The following PODXL2 variants were observed in gnomAD, a reference collection of about 807,000 sequenced individuals.
PODXL2 encodes podocalyxin like 2, also known as podocalyxin-like protein 2.
A neutral mutation model predicts 53.4 loss-of-function variants in PODXL2; 17 were observed. That is an observed-to-expected ratio of 0.32 (90% CI 0.22 to 0.48). PODXL2 has a LOEUF of 0.48. Among genes scored for constraint, PODXL2 ranks in the 20% least tolerant of loss-of-function variants. PODXL2 has a pLI of 0.99. For missense variants in PODXL2, 673 were observed against 760.0 expected (o/e 0.89, Z 1.35); for synonymous variants, 311 against 306.7 (o/e 1.01, Z -0.15).
intron 4 of PODXL2, among the ~76,000 whole-genome samples, chr3:127,662,529 T>C (rs1020444254): frequency 6.6e-6 from 1 of 152,234 alleles, no homozygotes; most frequent in African/African-American, 2.4e-5. Context: ...CCCTCTCTTT[T>C]TAATTTAAAT....
At chr3:127,638,087 T>C (rs1447549303) in intron 1 of PODXL2, among the ~76,000 whole-genome samples, 1 of 152,214 alleles carries the variant, frequency 6.6e-6, no homozygotes, top group Non-Finnish European at 1.5e-5. Flanking sequence ...CAGAGGTCAT[T>C]TCATTTAGCT....
intron 4 of PODXL2, among the ~76,000 whole-genome samples, chr3:127,663,795 C>G (rs531840299): frequency 6.6e-6 from 1 of 152,136 alleles, no homozygotes; most frequent in Non-Finnish European, 1.5e-5. Flanking sequence ...ACATGAAGAC[C>G]ACAGATGGGT....
At chr3:127,669,303 G>C in intron 6 of PODXL2, 101 bp downstream of exon 6, 3 of 823,432 alleles carry the variant, frequency 3.6e-6, no homozygotes, top group Non-Finnish European at 6.0e-6. Flanking sequence ...AGGTTCAAAG[G>C]AGTATAAGAC....
At chr3:127,638,673 C>G (rs782429) in intron 1 of PODXL2, among the ~76,000 whole-genome samples, 4,449 of 152,134 alleles carry the variant, frequency 0.029, 292 homozygotes, top group East Asian at 0.27. Context: ...CAAGATTGCA[C>G]CACTGTACTC....
intron 2 of PODXL2, among the ~76,000 whole-genome samples, chr3:127,652,290 T>G (rs1381855919): frequency 6.6e-6 from 1 of 152,178 alleles, no homozygotes; most frequent in East Asian, 1.9e-4. Context: ...AGTCTGGGAT[T>G]TGGAGACCCA....
At chr3:127,662,385 T>TG in intron 4 of PODXL2, 74 bp downstream of exon 4, 2 of 1,216,834 alleles carry the variant, frequency 1.6e-6, no homozygotes, top group South Asian at 1.3e-5. Flanking sequence ...GAGGGCAGGC[T>TG]GGGGGGACAA....
In PODXL2 at chr3:127,660,650, C is replaced by G. The variant is rs780691355; in HGVS notation, c.622C>G (p.Leu208Val). The change falls in exon 3 of 8, where the codon CTC (leucine) becomes GTC (valine). Residue 208 changes from leucine to valine, a missense_variant. Coordinates refer to ENST00000342480, the MANE Select transcript of PODXL2 (RefSeq NM_015720.4). The part of the protein sequence containing the change: ...EAKPQVRDFS[L>V]TSSSQTPGAT... ...CAAGCCTCAGGTCCGTGACTTTTCT[C>G]TCACCAGCAGCAGCCAGACCCCAGG... The G allele has an allele frequency of 1.9e-6, 3 of 1,614,218 alleles. No individual in the cohort carries two copies. Among genetic ancestry groups the G allele is most frequent in the Non-Finnish European group, 2.5e-6 (3 of 1,180,042 alleles).
Position 127,672,252 on chromosome 3 carries a change from C to G in PODXL2, c.1606-16C>G. The G allele has an allele frequency of 6.5e-7, 1 of 1,539,148 alleles. No homozygotes were observed. The highest frequency in any genetic ancestry group is 8.7e-7 in the Non-Finnish European group (1 of 1,145,416). ...GCTGGCTCGCTCGCCCATGGCCTCT[C>G]CCCACCCCGCCTCAGTCGCACGGCG... On this transcript the variant is annotated splice_polypyrimidine_tract_variant and intron_variant, in intron 7 of 7. Transcript: ENST00000342480.
rs765812148 is a variant in PODXL2 at position 127,660,856 on chromosome 3, G to A, written c.828G>A (p.Gly276=). Reference sequence around the variant, plus strand: ...CAGTGCTGCCAGCTGCAGGGCTTGGGGTAGAGTTCGAGGCTCCTCAGGAAG... The same window carrying A: ...CAGTGCTGCCAGCTGCAGGGCTTGGAGTAGAGTTCGAGGCTCCTCAGGAAG... ...EATVLPAAGL[G]VEFEAPQEAS... is the part of the protein sequence containing the mutation. The change falls in exon 3 of 8, where the codon GGG becomes GGA. Residue 276 remains glycine, a synonymous_variant. Coordinates refer to ENST00000342480, the MANE Select transcript of PODXL2 (RefSeq NM_015720.4). 17 of 1,614,246 alleles carry A rather than the reference G, an allele frequency of 1.1e-5. No individual in the cohort carries two copies. Among genetic ancestry groups the A allele is most frequent in the Non-Finnish European group, 1.4e-5 (16 of 1,180,052 alleles).
chr3:127,657,104 A>AGC (rs1396114600), intron 2 of PODXL2, among the ~76,000 whole-genome samples: 1 of 152,190 alleles, frequency 6.6e-6, no homozygotes, highest in African/African-American at 2.4e-5. Context: ...TGCGCAGATA[A>AGC]GTTAGTGGCT....
Position 127,668,524 on chromosome 3 carries a change from G to A in PODXL2, c.1290G>A (p.Gly430=), listed in dbSNP as rs1160739432. 8.9e-6 allele frequency: 14 copies of A among 1,580,902 alleles called. No individual in the cohort carries two copies. The highest frequency in any genetic ancestry group is 1.1e-5 in the Non-Finnish European group (13 of 1,164,262). ...VLPRHGSGHH[G]AWHISLSKPS... ...CCCGCCATGGCAGTGGCCACCATGG[G>A]GCCTGGCACATCTCTCTGAGCAAGC... Residue 430 remains glycine, a synonymous_variant, in exon 5 of 8, where the codon GGG becomes GGA. Transcript: ENST00000342480.
chr3:127,669,381 G>A (rs2074816471), intron 6 of PODXL2, among the ~76,000 whole-genome samples, 179 bp downstream of exon 6: 1 of 149,818 alleles, frequency 6.7e-6, no homozygotes, highest in Admixed American at 6.8e-5. Context: ...GAAAGACGGT[G>A]CATGTGCATG....
In PODXL2 at chr3:127,672,605, G is replaced by T; in HGVS notation, c.*125G>T. Reference sequence around the variant, plus strand: ...CCGCCCCCGCGGCCTGGCCCTCGGCGCGGGCTCCTTCCCGCTTCCCCCGAC... The same window carrying T: ...CCGCCCCCGCGGCCTGGCCCTCGGCTCGGGCTCCTTCCCGCTTCCCCCGAC... On this transcript the variant is annotated 3_prime_UTR_variant, in exon 8 of 8. Transcript: ENST00000342480. 1 of 581,794 alleles carries T rather than the reference G, an allele frequency of 1.7e-6. No homozygotes were observed. The highest frequency in any genetic ancestry group is 2.8e-6 in the Non-Finnish European group (1 of 360,982). 36.0% of individuals were successfully genotyped at this position (581,794 alleles called of 1,614,324 possible). A position where few individuals can be genotyped will look rare whatever the true frequency, so the allele number is the denominator to read the frequency against.
chr3:127,651,031 G>A (rs749357101), intron 2 of PODXL2, among the ~76,000 whole-genome samples: 8 of 152,190 alleles, frequency 5.3e-5, no homozygotes, highest in Non-Finnish European at 8.8e-5. Flanking sequence ...TCGGGAGGCC[G>A]AGACGGGTGG....
At position 127,671,448 on chromosome 3, in the gene PODXL2, C is replaced by G; in HGVS notation, c.1440C>G (p.Asn480Lys). 6.2e-7 allele frequency: 1 copy of G among 1,614,052 alleles called. No homozygotes were observed. The highest frequency in any genetic ancestry group is 8.5e-7 in the Non-Finnish European group (1 of 1,179,952). ...CCCACCCCTAGATTGGCATCCAGAA[C>G]TATTCCACAACCAGCAGCTGCCAGG... ...RRSLEEIGIQ[N>K]YSTTSSCQAR... The change falls in exon 7 of 8, where the codon AAC (asparagine) becomes AAG (lysine). Residue 480 changes from asparagine to lysine, a missense_variant. Asn to Lys is a moderately conservative substitution (Grantham distance 94, BLOSUM62 0). Coordinates refer to ENST00000342480, the MANE Select transcript of PODXL2 (RefSeq NM_015720.4).
intron 6 of PODXL2, 31 bp from the exon 7 acceptor site, chr3:127,671,403 A>G (rs1396932479): frequency 6.2e-7 from 1 of 1,607,054 alleles, no homozygotes; most frequent in African/African-American, 1.3e-5. Context: ...CCAGGACCTC[A>G]GCTGAGGAAA....
rs1464827663 is a variant in PODXL2, at chr3:127,629,219, C to T, written c.-1C>T. Reference sequence around the variant, plus strand: ...CGGCTGCAGGCGGCGACGGCTACACCATGGGCCGGCTGCTGCGGGCCGCCC... The same window carrying T: ...CGGCTGCAGGCGGCGACGGCTACACTATGGGCCGGCTGCTGCGGGCCGCCC... On this transcript the variant is annotated 5_prime_UTR_variant, in exon 1 of 8. Transcript: ENST00000342480. This position sits in a 1 kb window ranked among gnomAD's most constrained non-coding sequence, Gnocchi z 6.4. The T allele has an allele frequency of 1.0e-6, 1 of 993,280 alleles. No homozygotes were observed. Among genetic ancestry groups the T allele is most frequent in the South Asian group, 4.5e-5 (1 of 22,100 alleles). 61.5% of individuals were successfully genotyped at this position (993,280 alleles called of 1,614,324 possible). A position where few individuals can be genotyped will look rare whatever the true frequency, so the allele number is the denominator to read the frequency against.
chr3:127,630,675 A>G (rs2074539802), intron 1 of PODXL2, among the ~76,000 whole-genome samples: 1 of 152,154 alleles, frequency 6.6e-6, no homozygotes, highest in Admixed American at 6.5e-5. Flanking sequence ...TGTCATGGGA[A>G]GGCTCAGTTC....
chr3:127,653,693 G>A (rs1256236827), intron 2 of PODXL2, among the ~76,000 whole-genome samples: 4 of 150,826 alleles, frequency 2.7e-5, no homozygotes, highest in Non-Finnish European at 4.4e-5. Flanking sequence ...ACATGTGCAC[G>A]CTCTCTCTGT....
Sources: gnomAD v4.1 joint callset for allele counts (sites outside exome capture counted in the v4.1 genomes callset) on GRCh38, gnomAD v4.1.1 for gene constraint, Gnocchi (gnomAD v3.1) non-coding constraint, MANE v1.5 for transcripts, NCBI Gene and HGNC (gene_info 2026-07-23, HGNC 2026-07-21) for gene names.